The following UGT1A9 variants were observed in gnomAD, a reference collection of about 807,000 sequenced individuals.
The protein encoded by UGT1A9 is UDP-glucuronosyltransferase 1A9.
Under a neutral mutation model 45.0 loss-of-function variants are expected in UGT1A9, and 35 were observed. That is an observed-to-expected ratio of 0.78 (90% CI 0.59 to 1.03). The LOEUF is 1.03. UGT1A9 is among the 50% of genes least tolerant of loss of function. The probability of loss-of-function intolerance (pLI) is 0.00; values close to 1 mark genes in which losing one functional copy is unlikely to be tolerated. For missense variants in UGT1A9, 687 were observed against 666.6 expected, an observed-to-expected ratio of 1.03 and a Z score of -0.34; for synonymous variants, 278 against 250.6, an observed-to-expected ratio of 1.11 and a Z score of -1.03.
intron 1 of UGT1A9, among the ~76,000 whole-genome samples, chr2:233,697,101 T>A (rs1420519928): frequency 6.6e-6 from 1 of 152,004 alleles, no homozygotes; most frequent in Non-Finnish European, 1.5e-5. Context: ...ACAGGATGAG[T>A]TTGGAAGTAT....
intron 1 of UGT1A9, among the ~76,000 whole-genome samples, chr2:233,757,244 T>G (rs1696450978): frequency 1.0e-5 from 1 of 99,552 alleles, no homozygotes; most frequent in African/African-American, 4.0e-5. Context: ...GGTGGTGAGG[T>G]GGGGTTATTC....
chr2:233,760,978 G>A, intron 1 of UGT1A9: 1 of 1,614,208 alleles, frequency 6.2e-7, no homozygotes, highest in Non-Finnish European at 8.5e-7. Flanking sequence ...TTCCCCGTAT[G>A]CAACCCTTGC....
intron 1 of UGT1A9, among the ~76,000 whole-genome samples, chr2:233,726,241 T>TG (rs535893777): frequency 2.0e-4 from 31 of 152,288 alleles, no homozygotes; most frequent in African/African-American, 6.7e-4. Context: ...AACTCCAATA[T>TG]GAAAAGCTGG....
At chr2:233,738,051 A>T (rs1690672255) in intron 1 of UGT1A9, among the ~76,000 whole-genome samples, 1 of 152,154 alleles carries the variant, frequency 6.6e-6, no homozygotes, top group Admixed American at 6.5e-5. Context: ...TGAGGACAGG[A>T]CATGGTGGGA....
intron 1 of UGT1A9, among the ~76,000 whole-genome samples, chr2:233,717,100 T>TAAATAAAACACCACTACATGG: frequency 6.6e-6 from 1 of 152,062 alleles, no homozygotes. Flanking sequence ...CATCACTATC[T>TAAATAAAACACCACTACATGG]AAATAAAACA....
intron 1 of UGT1A9, chr2:233,718,641 G>T: frequency 6.8e-7 from 1 of 1,475,748 alleles, no homozygotes; most frequent in Admixed American, 2.0e-5. Context: ...CCAGGGTTGG[G>T]CCCATAACGA....
At position 233,759,527 on chromosome 2, in the gene UGT1A9, C is replaced by T. The variant is rs146278701; in HGVS notation, c.856-7507C>T. Among the ~76,000 whole-genome samples the T allele has an allele frequency of 6.8e-3, 1,028 of 152,228 alleles. 8 individuals are homozygous for T. Among genetic ancestry groups the T allele is most frequent in the Non-Finnish European group, 8.6e-3 (582 of 68,014 alleles). On this transcript the variant is annotated intron_variant, in intron 1 of 4. Coordinates refer to ENST00000354728, the MANE Select transcript of UGT1A9 (RefSeq NM_021027.3). Reference sequence around the variant, plus strand: ...AATAAAGGCCTGTCCTTGGGGAAGACTTCTGTTCACATGCGCTCCAGTGAA... The same window carrying T: ...AATAAAGGCCTGTCCTTGGGGAAGATTTCTGTTCACATGCGCTCCAGTGAA...
At chr2:233,757,646 G>T (rs1696690182) in intron 1 of UGT1A9, among the ~76,000 whole-genome samples, 1 of 150,442 alleles carries the variant, frequency 6.6e-6, no homozygotes, top group South Asian at 2.1e-4. Context: ...ACAAAATGCT[G>T]TTTTTCTGGG....
At chr2:233,685,659 T>C (rs563821705) in intron 1 of UGT1A9, among the ~76,000 whole-genome samples, 1 of 152,360 alleles carries the variant, frequency 6.6e-6, no homozygotes, top group South Asian at 2.1e-4. Context: ...GGAGAGGCTA[T>C]GGCATAATGT....
chr2:233,672,325 A>G lies in UGT1A9; in HGVS notation c.391A>G (p.Lys131Glu), dbSNP rs775487623. The G allele has an allele frequency of 6.2e-7, 1 of 1,614,096 alleles. No individual in the cohort carries two copies. The highest frequency in any genetic ancestry group is 1.7e-5 in the Admixed American group (1 of 60,008). ...AAATTGCAGGAGTTTGTTTAAAGACAAAAAATTAGTAGAATACTTAAAGGA... is the reference window on the plus strand; with the variant it reads ...AAATTGCAGGAGTTTGTTTAAAGACGAAAAATTAGTAGAATACTTAAAGGA... ...FSNCRSLFKD[K>E]KLVEYLKESS... Residue 131 changes from lysine (K) to glutamate (E), a missense_variant, in exon 1 of 5, where the codon AAA (lysine) becomes GAA (glutamate). Transcript: ENST00000354728.
chr2:233,698,288 A>C (rs936526047), intron 1 of UGT1A9, among the ~76,000 whole-genome samples: 8 of 152,256 alleles, frequency 5.3e-5, no homozygotes, highest in African/African-American at 1.9e-4. Context: ...CTATGAAAAA[A>C]AATGTGTCTT....
intron 1 of UGT1A9, chr2:233,693,564 A>T: frequency 6.2e-7 from 1 of 1,614,200 alleles, no homozygotes; most frequent in Non-Finnish European, 8.5e-7. Flanking sequence ...AGAAGCCCAG[A>T]CCCTGTGTCC....
chr2:233,677,982 A>G (rs939472601), intron 1 of UGT1A9, among the ~76,000 whole-genome samples: 1 of 152,240 alleles, frequency 6.6e-6, no homozygotes. Flanking sequence ...TGGAATATGC[A>G]GCCATAAAAA....
intron 1 of UGT1A9, among the ~76,000 whole-genome samples, chr2:233,707,259 A>G (rs1327423333): frequency 6.6e-6 from 1 of 151,866 alleles, no homozygotes; most frequent in Admixed American, 6.6e-5. Context: ...TTTCTTCATC[A>G]GCATTTATTT....
intron 1 of UGT1A9, among the ~76,000 whole-genome samples, chr2:233,684,050 C>T (rs896888623): frequency 6.6e-6 from 1 of 152,098 alleles, no homozygotes; most frequent in African/African-American, 2.4e-5. Context: ...GGTGAAACAC[C>T]TGGTGTCTGA....
intron 1 of UGT1A9, among the ~76,000 whole-genome samples, chr2:233,730,806 G>C (rs374048907): frequency 3.3e-5 from 5 of 152,118 alleles, no homozygotes; most frequent in South Asian, 2.1e-4. Flanking sequence ...ATGGACATGC[G>C]TCCAAGAAGG....
At chr2:233,690,630 C>T (rs918376019) in intron 1 of UGT1A9, 5 of 1,288,446 alleles carry the variant, frequency 3.9e-6, no homozygotes, top group Non-Finnish European at 5.1e-6. Flanking sequence ...TCAAGTGATA[C>T]CTGAGGACAC....
intron 1 of UGT1A9, chr2:233,747,579 G>A (rs1304501240): frequency 1.5e-5 from 24 of 1,582,358 alleles, no homozygotes; most frequent in Non-Finnish European, 2.0e-5. Context: ...TTCATCTTTG[G>A]TCTTTCATAG....
chr2:233,757,535 A>AATATATATACATATACATATACAT (rs376887521), intron 1 of UGT1A9, among the ~76,000 whole-genome samples: 3 of 88,310 alleles, frequency 3.4e-5, no homozygotes, highest in African/African-American at 1.0e-4. Flanking sequence ...GCCTGTAAGG[A>AATATATATACATATACATATACAT]ATATATATAT....
Sources: gnomAD v4.1 joint callset for allele counts (sites outside exome capture counted in the v4.1 genomes callset) on GRCh38, gnomAD v4.1.1 for gene constraint, MANE v1.5 for transcripts, NCBI Gene and HGNC (gene_info 2026-07-23, HGNC 2026-07-21) for gene names.